Variants in BMPR1B observed in about 807,000 individuals in gnomAD.
BMPR1B encodes bone morphogenetic protein receptor type-1B.
In BMPR1B, 12 loss-of-function variants were observed where a neutral mutation model predicts 59.1. The observed-to-expected ratio is 0.20, with a 90% CI of 0.13 to 0.33. The LOEUF (loss-of-function observed/expected upper bound fraction) is 0.33. Ranked by LOEUF, BMPR1B falls within the 10% of genes least tolerant of loss-of-function variation. The pLI is 1.00. For synonymous variants in BMPR1B, 237 were observed against 207.3 expected (o/e 1.14, Z -1.23); for missense variants, 550 against 610.9 (o/e 0.90, Z 1.05).
At chr4:94,767,903 C>T (rs1183235682) in intron 1 of BMPR1B, among the ~76,000 whole-genome samples, 5 of 151,794 alleles carry the variant, frequency 3.3e-5, no homozygotes, top group South Asian at 2.1e-4. Context: ...CTTCTTAATT[C>T]GATAACATAA....
At chr4:95,078,984 C>T (rs1048228237) in intron 3 of BMPR1B, among the ~76,000 whole-genome samples, 1 of 152,148 alleles carries the variant, frequency 6.6e-6, no homozygotes, top group African/African-American at 2.4e-5. Flanking sequence ...GTCTAGAGCC[C>T]CTGAACTCAA....
chr4:94,873,190 A>AT (rs1174028244), intron 1 of BMPR1B, among the ~76,000 whole-genome samples: 2 of 151,904 alleles, frequency 1.3e-5, no homozygotes, highest in African/African-American at 4.8e-5. Context: ...GTCACTTCGG[A>AT]TACTCTCCCT....
At chr4:95,109,293 ATGTG>A (rs1338032670) in intron 4 of BMPR1B, among the ~76,000 whole-genome samples, 4 of 152,154 alleles carry the variant, frequency 2.6e-5, no homozygotes, top group Admixed American at 2.6e-4. Context: ...TGCACAAAGG[ATGTG>A]CAAATGACAC....
intron 2 of BMPR1B, among the ~76,000 whole-genome samples, chr4:94,935,506 C>A (rs1729258676): frequency 6.6e-6 from 1 of 152,084 alleles, no homozygotes; most frequent in Admixed American, 6.5e-5. Flanking sequence ...GGAAGTCACA[C>A]TTAAAGTAAA....
At chr4:95,132,190 G>A (rs1361330821) in intron 10 of BMPR1B, among the ~76,000 whole-genome samples, 1 of 152,026 alleles carries the variant, frequency 6.6e-6, no homozygotes, top group African/African-American at 2.4e-5. Flanking sequence ...TTCTCTGTTT[G>A]GAAAACAAAA....
intron 6 of BMPR1B, among the ~76,000 whole-genome samples, chr4:95,122,904 T>G (rs1282276863): frequency 6.6e-6 from 1 of 152,164 alleles, no homozygotes; most frequent in African/African-American, 2.4e-5. Flanking sequence ...CTCTCAAAGG[T>G]AAATGGTGCC....
chr4:94,933,048 G>C (rs904381945), intron 2 of BMPR1B, among the ~76,000 whole-genome samples: 7 of 152,014 alleles, frequency 4.6e-5, no homozygotes, highest in Middle Eastern at 3.4e-3. Flanking sequence ...GTCAGCATCT[G>C]GTGTATCTTT....
At chr4:95,091,559 G>A (rs1486651560) in intron 3 of BMPR1B, 2 of 985,074 alleles carry the variant, frequency 2.0e-6, no homozygotes, top group African/African-American at 3.5e-5. Flanking sequence ...TAGCAATTCT[G>A]TGCCTCCTCC....
At position 95,155,076 on chromosome 4, in the gene BMPR1B, T is replaced by G. The variant is rs572438891; in HGVS notation, c.*403T>G. 15 of 183,622 alleles carry G rather than the reference T, an allele frequency of 8.2e-5. No individual in the cohort carries two copies. In the East Asian group the frequency reaches 1.8e-3, roughly 22 times the overall value. The allele number at this position is 183,622 out of a possible 1,614,324, so 11.4% of individuals were successfully genotyped here. A position where few individuals can be genotyped will look rare whatever the true frequency, so the allele number is the denominator to read the frequency against. ...TAACAACAAAATTCTTCCCAGGAACTCTGCTGGAAGGTAAATTAAAATACT... is the reference window on the plus strand; with the variant it reads ...TAACAACAAAATTCTTCCCAGGAACGCTGCTGGAAGGTAAATTAAAATACT... On this transcript the variant is annotated 3_prime_UTR_variant, in exon 13 of 13. Transcript: ENST00000515059.
rs1417764410 is a variant in BMPR1B, at chr4:95,053,342, TATC to T, written c.-17-51065_-17-51063del. ...GTGTGTGATGTGCCTGTACTTAATTTATCTTATATCATACTATCATAGTGGCTA... is the reference window on the plus strand; with the variant it reads ...GTGTGTGATGTGCCTGTACTTAATTTTTATATCATACTATCATAGTGGCTA... On this transcript the variant is annotated intron_variant, in intron 3 of 12. Coordinates refer to ENST00000515059, the MANE Select transcript of BMPR1B (RefSeq NM_001203.3). Among the ~76,000 whole-genome samples the T allele has an allele frequency of 2.8e-5, 4 of 141,220 alleles. No individual in the cohort carries two copies. In the Admixed American group the frequency reaches 2.9e-4, roughly 10 times the overall value. The allele number at this position is 141,220 out of a possible 152,430, so 92.6% of individuals were successfully genotyped here. A position where few individuals can be genotyped will look rare whatever the true frequency, so the allele number is the denominator to read the frequency against.
chr4:94,854,941 T>C (rs908295291), intron 1 of BMPR1B, among the ~76,000 whole-genome samples: 2 of 152,220 alleles, frequency 1.3e-5, no homozygotes, highest in African/African-American at 4.8e-5. Context: ...AATTATCATC[T>C]CTTATACTGA....
intron 3 of BMPR1B, among the ~76,000 whole-genome samples, chr4:95,063,481 G>A (rs756573637): frequency 1.4e-4 from 21 of 152,144 alleles, no homozygotes; most frequent in African/African-American, 2.9e-4. Context: ...GAAACAGTTC[G>A]GAGAAGATAA....
intron 1 of BMPR1B, among the ~76,000 whole-genome samples, chr4:94,771,261 C>A (rs1471355289): frequency 6.6e-6 from 1 of 152,146 alleles, no homozygotes; most frequent in Non-Finnish European, 1.5e-5. Context: ...GATTTTAATG[C>A]ACAGTGAGGT....
rs529115611 is a variant in BMPR1B at position 95,133,925 on chromosome 4, C to T, written c.1076+2413C>T. 6.6e-5 allele frequency among the ~76,000 whole-genome samples: 10 copies of T among 151,718 alleles called. No homozygotes were observed. The South Asian group carries it at 1.0e-3, about 16-fold the overall frequency. On this transcript the variant is annotated intron_variant, in intron 10 of 12. Coordinates refer to ENST00000515059, the MANE Select transcript of BMPR1B (RefSeq NM_001203.3). ...TAAGTTCTAGGGTACACGTGCACAA[C>T]GTGCAGGTTTGTTACATATGTATAC...
chr4:95,105,149 C>A (rs1731110961), intron 4 of BMPR1B, among the ~76,000 whole-genome samples: 1 of 152,066 alleles, frequency 6.6e-6, no homozygotes, highest in Non-Finnish European at 1.5e-5. Flanking sequence ...AACTATTTTG[C>A]CTTTTTCTTC....
At chr4:95,061,206 CA>C (rs1413053840) in intron 3 of BMPR1B, among the ~76,000 whole-genome samples, 101 of 131,494 alleles carry the variant, frequency 7.7e-4, no homozygotes, top group Middle Eastern at 3.8e-3. Context: ...CACACACACA[CA>C]CACCACACAC....
intron 1 of BMPR1B, among the ~76,000 whole-genome samples, chr4:94,843,266 G>A (rs889129778): frequency 6.6e-6 from 1 of 152,158 alleles, no homozygotes; most frequent in South Asian, 2.1e-4. Context: ...CCTTTGCCAG[G>A]TAAATTTGTG....
intron 1 of BMPR1B, among the ~76,000 whole-genome samples, chr4:94,786,354 C>G (rs968900922): frequency 7.0e-6 from 1 of 142,920 alleles, no homozygotes; most frequent in African/African-American, 2.6e-5. Flanking sequence ...CTTTGTAAGA[C>G]TTGAGAATTC....
intron 3 of BMPR1B, among the ~76,000 whole-genome samples, chr4:95,098,679 G>A (rs1028243443): frequency 1.2e-4 from 18 of 151,814 alleles, no homozygotes; most frequent in African/African-American, 3.4e-4. Flanking sequence ...CTTCTCTTCC[G>A]CCTTGCCTTA....
Sources: gnomAD v4.1 joint callset for allele counts (sites outside exome capture counted in the v4.1 genomes callset) on GRCh38, gnomAD v4.1.1 for gene constraint, MANE v1.5 for transcripts, NCBI Gene and HGNC (gene_info 2026-07-23, HGNC 2026-07-21) for gene names.